NIM1K: variants seen among roughly 807,000 people sequenced by gnomAD.
The protein encoded by NIM1K is serine/threonine-protein kinase NIM1.
Under a neutral mutation model 37.1 loss-of-function variants are expected in NIM1K, and 35 were observed. That is an observed-to-expected ratio of 0.94 (90% confidence interval 0.72 to 1.25). NIM1K has a LOEUF of 1.25. Ranked by LOEUF, NIM1K falls within the 50% of genes most tolerant of loss-of-function variation. The pLI, the probability that NIM1K is intolerant of heterozygous loss-of-function variation, is 0.00. For missense variants in NIM1K, 564 were observed against 548.0 expected (o/e 1.03, Z -0.29); for synonymous variants, 234 against 206.6 (o/e 1.13, Z -1.14).
At chr5:43,256,473 G>A (rs1004957714) in intron 2 of NIM1K, among the ~76,000 whole-genome samples, 2 of 152,184 alleles carry the variant, frequency 1.3e-5, no homozygotes, top group Admixed American at 1.3e-4. Context: ...GGAGAAGCAG[G>A]TTTGGGTCAG....
chr5:43,232,439 T>C (rs1220622239), intron 1 of NIM1K: 1 of 1,485,196 alleles, frequency 6.7e-7, no homozygotes, highest in East Asian at 2.3e-5. Flanking sequence ...CAGGACTCCA[T>C]CAAATCTCAG....
intron 2 of NIM1K, among the ~76,000 whole-genome samples, chr5:43,250,884 G>A (rs1752858287): frequency 6.6e-6 from 1 of 152,240 alleles, no homozygotes; most frequent in African/African-American, 2.4e-5. Context: ...GGATGGGACA[G>A]TAGGAAAAGC....
chr5:43,199,314 G>A (rs1751984986), intron 1 of NIM1K, among the ~76,000 whole-genome samples: 1 of 147,436 alleles, frequency 6.8e-6, no homozygotes, highest in South Asian at 2.1e-4. Context: ...TAGTTGAAAT[G>A]AAATAATGAC....
At chr5:43,232,647 G>A (rs1752557757) in intron 1 of NIM1K, 3 of 1,550,078 alleles carry the variant, frequency 1.9e-6, no homozygotes, top group Non-Finnish European at 2.6e-6. Context: ...TGGAAACCTG[G>A]GGTGGTGAGT....
At chr5:43,265,609 G>A (rs1311516221) in intron 2 of NIM1K, among the ~76,000 whole-genome samples, 1 of 152,184 alleles carries the variant, frequency 6.6e-6, no homozygotes, top group Non-Finnish European at 1.5e-5. Flanking sequence ...ATTGTCTGGA[G>A]CCTTCTTCTC....
At chr5:43,219,330 A>G (rs1402897253) in intron 1 of NIM1K, among the ~76,000 whole-genome samples, 1 of 152,156 alleles carries the variant, frequency 6.6e-6, no homozygotes, top group Non-Finnish European at 1.5e-5. Context: ...AGTCTTTATT[A>G]GGAGTCTCAG....
chr5:43,212,718 G>A (rs946035395), intron 1 of NIM1K, among the ~76,000 whole-genome samples: 2 of 152,238 alleles, frequency 1.3e-5, no homozygotes, highest in African/African-American at 4.8e-5. Context: ...AAACGTCTGG[G>A]AACAAGGCCC....
intron 1 of NIM1K, among the ~76,000 whole-genome samples, chr5:43,212,124 C>T (rs1268081694): frequency 1.3e-5 from 2 of 152,102 alleles, no homozygotes; most frequent in African/African-American, 4.8e-5. Context: ...TGCCTTAAAG[C>T]ATGTGCATCT....
At chr5:43,236,535 A>G (rs775065111) in intron 1 of NIM1K, among the ~76,000 whole-genome samples, 1 of 152,254 alleles carries the variant, frequency 6.6e-6, no homozygotes, top group African/African-American at 2.4e-5. Flanking sequence ...GAATTATAAG[A>G]TCTGGCGAAA....
At chr5:43,203,953 G>A (rs1404639193) in intron 1 of NIM1K, among the ~76,000 whole-genome samples, 2 of 151,406 alleles carry the variant, frequency 1.3e-5, no homozygotes, top group African/African-American at 2.4e-5. Flanking sequence ...TTGAACCCAG[G>A]AGGCAGAAGT....
At chr5:43,252,393 A>G (rs1752878410) in intron 2 of NIM1K, among the ~76,000 whole-genome samples, 1 of 152,150 alleles carries the variant, frequency 6.6e-6, no homozygotes, top group Non-Finnish European at 1.5e-5. Context: ...GCAAAAAGGG[A>G]CAGGAAAATA....
intron 3 of NIM1K, among the ~76,000 whole-genome samples, chr5:43,279,101 G>T (rs376898691): frequency 2.0e-5 from 3 of 152,160 alleles, no homozygotes; most frequent in African/African-American, 7.2e-5. Flanking sequence ...TTTCTCCAAC[G>T]CTCTGCAAAC....
intron 2 of NIM1K, among the ~76,000 whole-genome samples, chr5:43,265,141 T>C (rs547306843): frequency 6.6e-6 from 1 of 152,360 alleles, no homozygotes; most frequent in Admixed American, 6.5e-5. Context: ...TTCTCTGCAC[T>C]TCCTGAATTT....
rs1411719485 is a variant in NIM1K, at chr5:43,280,571, G to C, written c.1153G>C (p.Gly385Arg). 1 of 1,614,176 alleles carries C rather than the reference G, an allele frequency of 6.2e-7. No homozygotes were observed. The highest frequency in any genetic ancestry group is 8.5e-7 in the Non-Finnish European group (1 of 1,180,030). The change falls in exon 4 of 4, where the codon GGG (glycine) becomes CGG (arginine). Residue 385 changes from glycine (G) to arginine (R), a missense_variant. By Grantham distance (125) the Gly-to-Arg change is moderately radical. Transcript: ENST00000326035. ...QGRDARSSIT[G>R]VYRIILHRVQ... ...GAGAGATGCTCGCAGCTCAATCACA[G>C]GGGTCTATAGAATTATTTTACATAG...
chr5:43,223,265 G>T (rs1024404590), intron 1 of NIM1K, among the ~76,000 whole-genome samples: 4 of 152,130 alleles, frequency 2.6e-5, no homozygotes, highest in African/African-American at 9.7e-5. Context: ...TCCCAGCTGG[G>T]GAGAGTCACC....
intron 2 of NIM1K, among the ~76,000 whole-genome samples, chr5:43,267,595 A>G (rs1579609966): frequency 6.6e-6 from 1 of 152,310 alleles, no homozygotes; most frequent in East Asian, 1.9e-4. Flanking sequence ...TTAGTGCTAT[A>G]AACTTTCCTC....
In NIM1K at chr5:43,280,150, C is replaced by A. The variant is rs1401441785; in HGVS notation, c.732C>A (p.Asp244Glu). ...ACGCTGCGCCTGAACTCTTCCGGGA[C>A]GAGCACTACATCGGCATTTACGTGG... is the stretch of plus-strand genomic sequence containing the variant. ...PPYAAPELFR[D>E]EHYIGIYVDI... The change falls in exon 4 of 4, where the codon GAC becomes GAA. Residue 244 changes from aspartate (D) to glutamate (E), a missense_variant. By Grantham distance (45) the Asp-to-Glu change is conservative. Coordinates refer to ENST00000326035, the MANE Select transcript of NIM1K (RefSeq NM_153361.4). 6 of 1,614,148 alleles carry A rather than the reference C, an allele frequency of 3.7e-6. No homozygotes were observed. In the East Asian group the frequency reaches 6.7e-5, roughly 18 times the overall value.
chr5:43,197,587 G>A (rs975456235), intron 1 of NIM1K, among the ~76,000 whole-genome samples: 4 of 152,160 alleles, frequency 2.6e-5, no homozygotes, highest in Admixed American at 2.6e-4. Context: ...CAGCCCTTGA[G>A]CTCCTACAGA....
chr5:43,206,460 G>A (rs11948041), intron 1 of NIM1K, among the ~76,000 whole-genome samples: 143 of 140,558 alleles, frequency 1.0e-3, no homozygotes, highest in African/African-American at 3.1e-3. Context: ...TGATTGTGCC[G>A]CTGCACTCCA....
Sources: gnomAD v4.1 joint callset for allele counts (sites outside exome capture counted in the v4.1 genomes callset) on GRCh38, gnomAD v4.1.1 for gene constraint, MANE v1.5 for transcripts, NCBI Gene and HGNC (gene_info 2026-07-23, HGNC 2026-07-21) for gene names.